Variants in AKT3 observed in about 807,000 individuals in gnomAD.
AKT3 encodes the protein AKT serine/threonine kinase 3, also known as RAC-gamma serine/threonine-protein kinase.
AKT3 carries 15 observed loss-of-function variants against 65.3 expected under a neutral mutation model. The ratio of observed to expected loss-of-function variants is 0.23; its 90% CI spans 0.15 to 0.35. The LOEUF is 0.35. Ranked by LOEUF, AKT3 falls within the 10% of genes least tolerant of loss-of-function variation. The pLI is 1.00. For synonymous variants in AKT3, 206 were observed against 183.8 expected (o/e 1.12, Z -0.98); for missense variants, 243 against 576.5 (o/e 0.42, Z 5.92).
chr1:243,582,447 C>CAAAAAAAAAAAAAAA (rs59718769), intron 8 of AKT3, among the ~76,000 whole-genome samples: 1 of 101,524 alleles, frequency 9.8e-6, no homozygotes, highest in Non-Finnish European at 2.1e-5. Flanking sequence ...TTAGCTTTCT[C>CAAAAAAAAAAAAAAA]AAAAAAAAAA....
chr1:243,843,936 C>CACCACA, intron 1 of AKT3, among the ~76,000 whole-genome samples: 1 of 152,230 alleles, frequency 6.6e-6, no homozygotes, highest in East Asian at 1.9e-4. Context: ...AGAAGTGAGC[C>CACCACA]ACCACAACCA....
chr1:243,520,183 C>G (rs1029271029), intron 12 of AKT3, among the ~76,000 whole-genome samples: 2 of 152,074 alleles, frequency 1.3e-5, no homozygotes, highest in African/African-American at 4.8e-5. Flanking sequence ...AATGAGATAT[C>G]AGGATATGTC....
chr1:243,592,252 G>A (rs746095128), intron 8 of AKT3, among the ~76,000 whole-genome samples: 2 of 151,754 alleles, frequency 1.3e-5, no homozygotes, highest in African/African-American at 2.4e-5. Context: ...GGAGAATGGC[G>A]TGAACCCAGG....
intron 3 of AKT3, among the ~76,000 whole-genome samples, chr1:243,686,723 A>G (rs1356503253): frequency 8.3e-6 from 1 of 120,976 alleles, no homozygotes; most frequent in Non-Finnish European, 1.6e-5. Context: ...GCTTGAGTAC[A>G]GTGGCATGGT....
chr1:243,605,569 T>C (rs1677340079), intron 8 of AKT3, among the ~76,000 whole-genome samples: 2 of 152,234 alleles, frequency 1.3e-5, no homozygotes, highest in Admixed American at 1.3e-4. Context: ...AATCAACTTG[T>C]CTATCTCAGC....
chr1:243,489,168 G>A (rs777369966), intron 13 of AKT3: 1 of 1,609,090 alleles, frequency 6.2e-7, no homozygotes, highest in Admixed American at 1.7e-5. Flanking sequence ...GCGCAGGTGG[G>A]AGTCCTTGGG....
intron 4 of AKT3, among the ~76,000 whole-genome samples, chr1:243,651,298 G>A (rs1473120391): frequency 3.9e-5 from 6 of 152,198 alleles, no homozygotes; most frequent in Non-Finnish European, 7.3e-5. Flanking sequence ...TTGGGGCTGA[G>A]ACAACGGGGT....
intron 8 of AKT3, among the ~76,000 whole-genome samples, chr1:243,582,447 CAAAAAA>C (rs59718769): frequency 5.1e-4 from 52 of 101,542 alleles, no homozygotes; most frequent in Admixed American, 2.6e-3. Flanking sequence ...TTAGCTTTCT[CAAAAAA>C]AAAAAAAAAA....
intron 9 of AKT3, among the ~76,000 whole-genome samples, chr1:243,565,936 C>A (rs1402166254): frequency 6.6e-6 from 1 of 152,082 alleles, no homozygotes; most frequent in Non-Finnish European, 1.5e-5. Flanking sequence ...AATACATTAA[C>A]AATTCTTATA....
chr1:243,673,444 ACAT>A (rs1683287552), intron 3 of AKT3, among the ~76,000 whole-genome samples: 1 of 152,168 alleles, frequency 6.6e-6, no homozygotes, highest in African/African-American at 2.4e-5. Context: ...ATAAAGATCT[ACAT>A]CATTATATTT....
chr1:243,741,865 A>G (rs1307520593), intron 2 of AKT3: 2 of 152,204 alleles, frequency 1.3e-5, no homozygotes, highest in Non-Finnish European at 2.9e-5. Flanking sequence ...AAAGAATTAG[A>G]AATTAAACAT....
downstream of AKT3, among the ~76,000 whole-genome samples, chr1:243,497,027 G>A (rs1668104232): frequency 1.3e-5 from 2 of 152,194 alleles, no homozygotes; most frequent in South Asian, 4.1e-4. Flanking sequence ...TGGAAGGGCA[G>A]AAGGACGGGA....
At chr1:243,672,000 C>T (rs1683185375) in intron 3 of AKT3, among the ~76,000 whole-genome samples, 1 of 151,806 alleles carries the variant, frequency 6.6e-6, no homozygotes, top group Non-Finnish European at 1.5e-5. Flanking sequence ...CTACACCTTC[C>T]CCGTGCTTGG....
intron 2 of AKT3, among the ~76,000 whole-genome samples, chr1:243,730,571 T>C (rs1213876395): frequency 1.3e-5 from 2 of 152,168 alleles, no homozygotes; most frequent in Non-Finnish European, 1.5e-5. Context: ...CACTATAGCC[T>C]TCCTGCCTTC....
intron 8 of AKT3, among the ~76,000 whole-genome samples, chr1:243,588,713 T>C (rs1260648824): frequency 6.6e-6 from 1 of 152,212 alleles, no homozygotes; most frequent in Non-Finnish European, 1.5e-5. Flanking sequence ...TGGAGTCTTA[T>C]CTTTCATCAT....
chr1:243,640,711 T>C (rs1201998984), intron 5 of AKT3, among the ~76,000 whole-genome samples: 1 of 152,152 alleles, frequency 6.6e-6, no homozygotes, highest in Non-Finnish European at 1.5e-5. Context: ...TGTTGGATTT[T>C]CCAGCCCACC....
intron 2 of AKT3, among the ~76,000 whole-genome samples, chr1:243,700,333 A>G (rs1293457480): frequency 6.6e-5 from 10 of 152,128 alleles, no homozygotes; most frequent in Non-Finnish European, 1.5e-4. Context: ...CTTAGTCCTA[A>G]TAACTTCAGA....
At chr1:243,528,668 G>A (rs1036306583) in intron 12 of AKT3, among the ~76,000 whole-genome samples, 2 of 152,170 alleles carry the variant, frequency 1.3e-5, no homozygotes, top group African/African-American at 4.8e-5. Context: ...TCTTTTTGAT[G>A]ACTGCATAGT....
At chr1:243,544,705 G>GTTTTTTGT (rs1553400069) in intron 12 of AKT3, among the ~76,000 whole-genome samples, 2 of 142,276 alleles carry the variant, frequency 1.4e-5, no homozygotes, top group Non-Finnish European at 1.5e-5. Flanking sequence ...TTTGTTTTTT[G>GTTTTTTGT]TTTTTTTTTT....
Sources: gnomAD v4.1 joint callset for allele counts (sites outside exome capture counted in the v4.1 genomes callset) on GRCh38, gnomAD v4.1.1 for gene constraint, MANE v1.5 for transcripts, NCBI Gene and HGNC (gene_info 2026-07-23, HGNC 2026-07-21) for gene names.